MED27: variants seen among roughly 807,000 people sequenced by gnomAD.
MED27 encodes the protein mediator complex subunit 27.
A neutral mutation model predicts 38.2 loss-of-function variants in MED27; 30 were observed. The ratio of observed to expected loss-of-function variants is 0.79; its 90% CI spans 0.59 to 1.07. MED27 has a LOEUF of 1.07. Ranked by LOEUF, MED27 falls within the 50% of genes least tolerant of loss-of-function variation. The probability of loss-of-function intolerance (pLI) is 0.00; values close to 1 mark genes in which losing one functional copy is unlikely to be tolerated. For synonymous variants in MED27, 122 were observed against 153.5 expected, an observed-to-expected ratio of 0.79 and a Z score of 1.52; for missense variants, 289 against 397.5, an observed-to-expected ratio of 0.73 and a Z score of 2.32.
chr9:132,055,395 T>A (rs928361573), intron 2 of MED27, among the ~76,000 whole-genome samples: 1 of 152,226 alleles, frequency 6.6e-6, no homozygotes, highest in Non-Finnish European at 1.5e-5. Context: ...GATGGAGCTT[T>A]TGTAAGTCCT....
intron 2 of MED27, among the ~76,000 whole-genome samples, chr9:132,045,493 A>G (rs1333158473): frequency 6.6e-6 from 1 of 151,920 alleles, no homozygotes; most frequent in Non-Finnish European, 1.5e-5. Flanking sequence ...AGGTTCTAAG[A>G]AACTATTTGC....
At position 131,862,517 on chromosome 9, in the gene MED27, G is replaced by A. The variant is rs1278408679; in HGVS notation, c.801+546C>T. On this transcript the variant is annotated intron_variant, in intron 7 of 7. Transcript: ENST00000292035. This position sits in a 1 kb window ranked among gnomAD's most constrained non-coding sequence, Gnocchi z 4.6. ...GAAGTCCTGACTTGCAGTGTTTGCCGATTTCCGTGGTGTCAACACTCCCAC... is the reference window on the plus strand; with the variant it reads ...GAAGTCCTGACTTGCAGTGTTTGCCAATTTCCGTGGTGTCAACACTCCCAC... Among the ~76,000 whole-genome samples, 2 of 152,172 alleles carry A rather than the reference G, an allele frequency of 1.3e-5. No individual in the cohort carries two copies. The highest frequency in any genetic ancestry group is 2.1e-4 in the South Asian group (1 of 4,822).
At chr9:131,878,635 T>C (rs541690116) in intron 6 of MED27, among the ~76,000 whole-genome samples, 7 of 152,284 alleles carry the variant, frequency 4.6e-5, no homozygotes, top group African/African-American at 1.7e-4. Context: ...AGCAAGACAA[T>C]GCAGTGAGTA....
chr9:132,021,718 TG>T (rs1832720221), intron 2 of MED27, among the ~76,000 whole-genome samples: 1 of 152,200 alleles, frequency 6.6e-6, no homozygotes, highest in Non-Finnish European at 1.5e-5. Context: ...CCCAATGTGA[TG>T]GTATTTGAAG....
At chr9:131,964,410 G>C (rs1472551773) in intron 3 of MED27, among the ~76,000 whole-genome samples, 1 of 151,192 alleles carries the variant, frequency 6.6e-6, no homozygotes, top group Non-Finnish European at 1.5e-5. Flanking sequence ...GGAGGTGATA[G>C]TGATGGTGGT....
chr9:132,061,027 T>C (rs1287721528), intron 2 of MED27, among the ~76,000 whole-genome samples: 1 of 152,234 alleles, frequency 6.6e-6, no homozygotes, highest in Non-Finnish European at 1.5e-5. Context: ...TTTCATCTCC[T>C]GTCACCCTAC....
chr9:131,989,592 A>G (rs1400284429), intron 3 of MED27, among the ~76,000 whole-genome samples: 1 of 152,220 alleles, frequency 6.6e-6, no homozygotes, highest in Admixed American at 6.5e-5. Flanking sequence ...CATGCAGTTC[A>G]CTGGTATTAA....
At chr9:132,000,849 T>C (rs1375478450) in intron 3 of MED27, among the ~76,000 whole-genome samples, 4 of 151,340 alleles carry the variant, frequency 2.6e-5, no homozygotes, top group African/African-American at 9.7e-5. Flanking sequence ...GCCTCCCAAA[T>C]TGCTTAGCTT....
chr9:131,903,865 C>A (rs1829999708), intron 4 of MED27, among the ~76,000 whole-genome samples: 2 of 150,246 alleles, frequency 1.3e-5, no homozygotes, highest in South Asian at 4.2e-4. Context: ...ATAGTTGGGA[C>A]TATAGGCATG....
At chr9:131,874,987 A>G (rs546478951) in intron 6 of MED27, among the ~76,000 whole-genome samples, 1 of 152,336 alleles carries the variant, frequency 6.6e-6, no homozygotes, top group Non-Finnish European at 1.5e-5. Flanking sequence ...ATGACTGGAG[A>G]AGAATGCAGA....
At chr9:131,926,439 C>T (rs542315386) in intron 4 of MED27, among the ~76,000 whole-genome samples, 26 of 152,298 alleles carry the variant, frequency 1.7e-4, no homozygotes, top group African/African-American at 4.3e-4. Flanking sequence ...AGAAACACAG[C>T]AGTGAGAAAA....
At chr9:131,978,826 T>G (rs983689001) in intron 3 of MED27, among the ~76,000 whole-genome samples, 1 of 152,336 alleles carries the variant, frequency 6.6e-6, no homozygotes, top group Non-Finnish European at 1.5e-5. Flanking sequence ...GGAGAAACCA[T>G]CGCAAGAGGG....
intron 4 of MED27, 76 bp from the exon 5 acceptor site, chr9:131,894,068 C>A: frequency 9.6e-7 from 1 of 1,040,582 alleles, no homozygotes; most frequent in Non-Finnish European, 1.5e-6. Flanking sequence ...GAAGAAATGA[C>A]CACCTGGCCA....
intron 6 of MED27, chr9:131,868,970 C>T: frequency 1.0e-6 from 1 of 985,492 alleles, no homozygotes; most frequent in South Asian, 4.7e-5. Context: ...GTCTGGCTCA[C>T]AGGCAAGGCA....
At chr9:131,868,743 T>C in intron 6 of MED27, 1 of 985,464 alleles carries the variant, frequency 1.0e-6, no homozygotes, top group East Asian at 1.1e-4. Flanking sequence ...AGTTTGCAGA[T>C]AAAGGTGCAG....
intron 4 of MED27, among the ~76,000 whole-genome samples, chr9:131,930,224 T>G (rs975369904): frequency 6.6e-6 from 1 of 152,178 alleles, no homozygotes; most frequent in African/African-American, 2.4e-5. Context: ...TGTCCAAAAC[T>G]AGAGAAAGAC....
intron 2 of MED27, among the ~76,000 whole-genome samples, chr9:132,062,213 G>C (rs1466759499): frequency 2.6e-5 from 4 of 152,196 alleles, no homozygotes; most frequent in African/African-American, 9.7e-5. Flanking sequence ...CTAGATGTTG[G>C]AAATACAATG....
chr9:132,067,684 T>C (rs1441109860), intron 2 of MED27, among the ~76,000 whole-genome samples: 1 of 152,140 alleles, frequency 6.6e-6, no homozygotes, highest in Non-Finnish European at 1.5e-5. Context: ...CAAGCAAGCA[T>C]GCAACAAATT....
At chr9:131,990,776 T>A (rs114964556) in intron 3 of MED27, among the ~76,000 whole-genome samples, 127 of 152,364 alleles carry the variant, frequency 8.3e-4, no homozygotes, top group African/African-American at 2.9e-3. Context: ...GTGGCTGAAC[T>A]GCACCTCCTG....
Sources: gnomAD v4.1 joint callset for allele counts (sites outside exome capture counted in the v4.1 genomes callset) on GRCh38, gnomAD v4.1.1 for gene constraint, Gnocchi (gnomAD v3.1) non-coding constraint, MANE v1.5 for transcripts, NCBI Gene and HGNC (gene_info 2026-07-23, HGNC 2026-07-21) for gene names.